The following SH3GL3 variants were observed in gnomAD, a reference collection of about 807,000 sequenced individuals.
The protein encoded by SH3GL3 is endophilin-A3.
SH3GL3 carries 33 observed loss-of-function variants against 47.7 expected under a neutral mutation model. That is an observed-to-expected ratio of 0.69 (90% CI 0.52 to 0.92). The LOEUF (loss-of-function observed/expected upper bound fraction) is 0.92, where lower values mean the gene tolerates loss of function less well. SH3GL3 is among the 40% of genes least tolerant of loss of function. The pLI, the probability that SH3GL3 is intolerant of heterozygous loss-of-function variation, is 0.00. For missense variants in SH3GL3, 363 were observed against 417.8 expected, an observed-to-expected ratio of 0.87 and a Z score of 1.14; for synonymous variants, 155 against 148.8, an observed-to-expected ratio of 1.04 and a Z score of -0.30.
At chr15:83,605,645 A>C (rs939384412) in intron 8 of SH3GL3, among the ~76,000 whole-genome samples, 1 of 152,100 alleles carries the variant, frequency 6.6e-6, no homozygotes, top group African/African-American at 2.4e-5. Flanking sequence ...ATTGCTAGGT[A>C]GTTAAGAGAA....
downstream of SH3GL3, chr15:83,618,869 C>A (rs1350315743): frequency 1.3e-5 from 2 of 152,996 alleles, no homozygotes; most frequent in Non-Finnish European, 2.9e-5. Flanking sequence ...CTGATGGGAG[C>A]CTTCGCTTTC....
At chr15:83,478,145 A>G (rs1340230381) in intron 1 of SH3GL3, among the ~76,000 whole-genome samples, 3 of 152,162 alleles carry the variant, frequency 2.0e-5, no homozygotes, top group Non-Finnish European at 4.4e-5. Flanking sequence ...AGTCATTCTG[A>G]GAAGACCAGA....
intron 1 of SH3GL3, among the ~76,000 whole-genome samples, chr15:83,502,577 G>A (rs1042438737): frequency 6.6e-6 from 1 of 152,168 alleles, no homozygotes; most frequent in Admixed American, 6.5e-5. Context: ...GTTTTGTATT[G>A]AGGCAAAGTC....
intron 1 of SH3GL3, among the ~76,000 whole-genome samples, chr15:83,504,767 C>T (rs1407688779): frequency 6.6e-6 from 1 of 152,208 alleles, no homozygotes; most frequent in Admixed American, 6.5e-5. Flanking sequence ...ACCTAAGCTG[C>T]TCCTGGATTC....
chr15:83,515,837 G>A (rs1263871419), intron 1 of SH3GL3, among the ~76,000 whole-genome samples: 2 of 152,154 alleles, frequency 1.3e-5, no homozygotes, highest in Non-Finnish European at 2.9e-5. Flanking sequence ...TGTTCTCAAT[G>A]TGTTTTCACA....
At chr15:83,594,392 T>C (rs1459352830) in intron 8 of SH3GL3, among the ~76,000 whole-genome samples, 1 of 152,250 alleles carries the variant, frequency 6.6e-6, no homozygotes, top group African/African-American at 2.4e-5. Flanking sequence ...AGAAAAGTTG[T>C]GACGATAGCA....
chr15:83,531,539 T>C (rs2151677356), intron 1 of SH3GL3, among the ~76,000 whole-genome samples: 1 of 152,274 alleles, frequency 6.6e-6, no homozygotes, highest in East Asian at 1.9e-4. Flanking sequence ...GAGAGGTAAG[T>C]GGCAGGCAGA....
At chr15:83,525,423 T>C (rs1384881336) in intron 1 of SH3GL3, among the ~76,000 whole-genome samples, 1 of 151,688 alleles carries the variant, frequency 6.6e-6, no homozygotes, top group Non-Finnish European at 1.5e-5. Flanking sequence ...GGATATTAGT[T>C]TCTTGTTAGA....
chr15:83,607,177 A>G (rs2060539086), intron 8 of SH3GL3, among the ~76,000 whole-genome samples: 1 of 152,242 alleles, frequency 6.6e-6, no homozygotes, highest in Non-Finnish European at 1.5e-5. Context: ...CAAGTGCTGC[A>G]TATTTTCAAA....
chr15:83,538,363 T>C (rs541524864), intron 1 of SH3GL3, among the ~76,000 whole-genome samples: 1 of 152,334 alleles, frequency 6.6e-6, no homozygotes, highest in Admixed American at 6.5e-5. Flanking sequence ...TAGTTTAATA[T>C]TTTAAAAATT....
chr15:83,553,994 ATGTC>A (rs1470038223), intron 1 of SH3GL3, among the ~76,000 whole-genome samples: 7 of 146,342 alleles, frequency 4.8e-5, no homozygotes, highest in Non-Finnish European at 9.0e-5. Context: ...AAGTCTGAAT[ATGTC>A]TTTATTTTCT....
At chr15:83,576,855 T>G (rs931705477) in intron 6 of SH3GL3, 114 bp downstream of exon 6, 1 of 597,238 alleles carries the variant, frequency 1.7e-6, no homozygotes, top group Non-Finnish European at 2.8e-6. Flanking sequence ...TCTTTTGGCT[T>G]CCCTGGGCCA....
At chr15:83,550,486 T>G (rs1472323544) in intron 1 of SH3GL3, among the ~76,000 whole-genome samples, 1 of 152,144 alleles carries the variant, frequency 6.6e-6, no homozygotes, top group Non-Finnish European at 1.5e-5. Context: ...ACCTCCTGGG[T>G]TCAAGTGATT....
intron 8 of SH3GL3, among the ~76,000 whole-genome samples, chr15:83,593,560 T>C (rs901047391): frequency 1.3e-5 from 2 of 152,242 alleles, no homozygotes; most frequent in Non-Finnish European, 2.9e-5. Context: ...TCCTGCCATG[T>C]TGCTAAATTT....
At chr15:83,623,984 ACCATGTTGG>A in the SH3GL3 span, among the ~76,000 whole-genome samples, 4 of 152,020 alleles carry the variant, frequency 2.6e-5, no homozygotes, top group Non-Finnish European at 5.9e-5. Context: ...ACGGGGTTTC[ACCATGTTGG>A]CCAGGCTGGT....
chr15:83,576,874 A>G (rs986980915), intron 6 of SH3GL3, 133 bp downstream of exon 6: 1 of 474,974 alleles, frequency 2.1e-6, no homozygotes, highest in Admixed American at 3.8e-5. Flanking sequence ...CACACATAAA[A>G]TACACTAATA....
At chr15:83,483,937 C>T (rs1170450045) in intron 1 of SH3GL3, among the ~76,000 whole-genome samples, 1 of 152,172 alleles carries the variant, frequency 6.6e-6, no homozygotes, top group Non-Finnish European at 1.5e-5. Flanking sequence ...GTTTTATAGT[C>T]CTATGGCCAT....
At chr15:83,559,976 TCTGTCC>T in intron 2 of SH3GL3, among the ~76,000 whole-genome samples, 1 of 152,346 alleles carries the variant, frequency 6.6e-6, no homozygotes, top group Non-Finnish European at 1.5e-5. Context: ...TGGTATCATC[TCTGTCC>T]CTTAACATGT....
chr15:83,581,221 C>A (rs2151792791), intron 6 of SH3GL3, among the ~76,000 whole-genome samples: 1 of 152,356 alleles, frequency 6.6e-6, no homozygotes. Flanking sequence ...TTTCCTGGGT[C>A]TCCAGATGTA....
Sources: gnomAD v4.1 joint callset for allele counts (sites outside exome capture counted in the v4.1 genomes callset) on GRCh38, gnomAD v4.1.1 for gene constraint, MANE v1.5 for transcripts, NCBI Gene and HGNC (gene_info 2026-07-23, HGNC 2026-07-21) for gene names.